The following SNX29 variants were observed in gnomAD, a reference collection of about 807,000 sequenced individuals.
SNX29 encodes the protein sorting nexin-29.
SNX29 carries 78 observed loss-of-function variants against 102.1 expected under a neutral mutation model. The ratio of observed to expected loss-of-function variants is 0.76; its 90% CI spans 0.64 to 0.92. The LOEUF (loss-of-function observed/expected upper bound fraction) is 0.92. SNX29 is among the 40% of genes least tolerant of loss of function. The pLI, the probability that SNX29 is intolerant of heterozygous loss-of-function variation, is 0.00. For synonymous variants in SNX29, 580 were observed against 414.5 expected, an observed-to-expected ratio of 1.40 and a Z score of -4.85; for missense variants, 1,280 against 1,061.7, an observed-to-expected ratio of 1.21 and a Z score of -2.86.
chr16:12,135,394 C>G (rs1221438254), intron 13 of SNX29, among the ~76,000 whole-genome samples: 1 of 152,204 alleles, frequency 6.6e-6, no homozygotes, highest in East Asian at 1.9e-4. Flanking sequence ...CTACAGGGCT[C>G]CAGAGGATGG....
chr16:12,544,688 G>C (rs1012172187), intron 20 of SNX29, among the ~76,000 whole-genome samples: 1 of 152,170 alleles, frequency 6.6e-6, no homozygotes, highest in Admixed American at 6.6e-5. Context: ...GCTGTCACTC[G>C]AATTCTCTTC....
intron 15 of SNX29, among the ~76,000 whole-genome samples, chr16:12,320,675 A>C (rs1304553358): frequency 6.6e-6 from 1 of 152,074 alleles, no homozygotes; most frequent in Non-Finnish European, 1.5e-5. Flanking sequence ...AACTAAGATC[A>C]CTCCAGCATA....
chr16:12,079,415 A>T (rs1013488902), intron 11 of SNX29, among the ~76,000 whole-genome samples: 1 of 152,228 alleles, frequency 6.6e-6, no homozygotes, highest in Non-Finnish European at 1.5e-5. Flanking sequence ...ACCAACTGTT[A>T]TGTAAACTGA....
intron 20 of SNX29, among the ~76,000 whole-genome samples, chr16:12,549,910 C>CA (rs1221843876): frequency 7.9e-5 from 12 of 152,366 alleles, no homozygotes; most frequent in African/African-American, 2.6e-4. Flanking sequence ...TGATGGCCCA[C>CA]AGGCCAAATC....
intron 18 of SNX29, among the ~76,000 whole-genome samples, chr16:12,408,512 C>T (rs549057962): frequency 5.3e-4 from 80 of 152,304 alleles, no homozygotes; most frequent in African/African-American, 1.9e-3. Flanking sequence ...GAACCTGCCT[C>T]GGGGTGGCTG....
At chr16:11,981,398 C>T (rs921283491) in intron 1 of SNX29, among the ~76,000 whole-genome samples, 2 of 152,096 alleles carry the variant, frequency 1.3e-5, no homozygotes, top group Non-Finnish European at 2.9e-5. Context: ...GCCACCATGC[C>T]TGGGCTCTTT....
intron 20 of SNX29, among the ~76,000 whole-genome samples, chr16:12,566,430 C>G (rs149930454): frequency 2.5e-4 from 1 of 4,080 alleles, no homozygotes; most frequent in East Asian, 3.1e-3. Context: ...AGGGCCTCTC[C>G]CCCCAAGCTC....
At chr16:12,552,188 G>A (rs1044028872) in intron 20 of SNX29, among the ~76,000 whole-genome samples, 19 of 152,148 alleles carry the variant, frequency 1.2e-4, no homozygotes, top group African/African-American at 3.1e-4. Context: ...GGGAAACAAC[G>A]GCAGATAAGG....
chr16:12,097,200 C>G (rs534834832), intron 11 of SNX29, among the ~76,000 whole-genome samples: 1 of 152,366 alleles, frequency 6.6e-6, no homozygotes, highest in East Asian at 1.9e-4. Flanking sequence ...TCACGCATGT[C>G]TGCGATCCTG....
chr16:12,450,518 C>T (rs1341731454), intron 18 of SNX29, among the ~76,000 whole-genome samples: 1 of 152,228 alleles, frequency 6.6e-6, no homozygotes, highest in Non-Finnish European at 1.5e-5. Flanking sequence ...GAACCGCTTG[C>T]TGTGGCCAAG....
At chr16:11,990,642 G>A (rs2055813639) in intron 1 of SNX29, among the ~76,000 whole-genome samples, 1 of 152,122 alleles carries the variant, frequency 6.6e-6, no homozygotes, top group African/African-American at 2.4e-5. Flanking sequence ...GGGCATCCCA[G>A]ATGCCCGCCA....
chr16:12,521,680 T>A (rs545266363), intron 19 of SNX29, among the ~76,000 whole-genome samples: 1 of 152,346 alleles, frequency 6.6e-6, no homozygotes, highest in South Asian at 2.1e-4. Context: ...GATTAAAAAC[T>A]AGGCTTCATG....
At chr16:12,510,771 A>G (rs2089581665) in intron 19 of SNX29, among the ~76,000 whole-genome samples, 1 of 151,946 alleles carries the variant, frequency 6.6e-6, no homozygotes, top group Non-Finnish European at 1.5e-5. Flanking sequence ...CGTTGGCTGC[A>G]AAGTCAAAAG....
At chr16:12,013,471 C>T (rs1231715128) in intron 3 of SNX29, among the ~76,000 whole-genome samples, 1 of 88,468 alleles carries the variant, frequency 1.1e-5, no homozygotes, top group African/African-American at 4.5e-5. Flanking sequence ...CATAGTGAAA[C>T]CCTGTCTCTA....
At chr16:12,491,927 C>G (rs1320040193) in intron 19 of SNX29, among the ~76,000 whole-genome samples, 9 of 152,270 alleles carry the variant, frequency 5.9e-5, no homozygotes, top group South Asian at 2.1e-4. Flanking sequence ...TCCAGTCTAT[C>G]GTTGTTGGAC....
At chr16:12,158,799 C>T (rs529991720) in intron 13 of SNX29, among the ~76,000 whole-genome samples, 4 of 152,254 alleles carry the variant, frequency 2.6e-5, no homozygotes, top group South Asian at 2.1e-4. Flanking sequence ...TTGTGAAATG[C>T]GGATATGGGG....
At chr16:11,996,836 G>C (rs922563837) in intron 1 of SNX29, among the ~76,000 whole-genome samples, 1 of 152,196 alleles carries the variant, frequency 6.6e-6, no homozygotes, top group South Asian at 2.1e-4. Flanking sequence ...TAGCCATCCT[G>C]AGCGATGCCT....
At chr16:12,468,036 C>G (rs2087143770) in intron 18 of SNX29, among the ~76,000 whole-genome samples, 1 of 152,082 alleles carries the variant, frequency 6.6e-6, no homozygotes, top group South Asian at 2.1e-4. Flanking sequence ...TCTTGGATCC[C>G]TCGTCCTCCC....
Position 12,483,117 on chromosome 16 carries a change from T to TTG in SNX29, c.2178+5259_2178+5260insGT, listed in dbSNP as rs1555549920. 3.7e-3 allele frequency among the ~76,000 whole-genome samples: 366 copies of TTG among 99,050 alleles called. 15 individuals carry two copies. The highest frequency in any genetic ancestry group is 0.018 in the African/African-American group (349 of 19,576). The allele number at this position is 99,050 out of a possible 152,430, so 65.0% of individuals were successfully genotyped here. On this transcript the variant is annotated intron_variant, in intron 19 of 20. Coordinates refer to ENST00000566228, the MANE Select transcript of SNX29 (RefSeq NM_032167.5). ...AGATACATATTGAAGTTATTAAGTT[T>TTG]TTTTTTTTTTTTTTTTTTTTTTTTT...
Sources: gnomAD v4.1 joint callset for allele counts (sites outside exome capture counted in the v4.1 genomes callset) on GRCh38, gnomAD v4.1.1 for gene constraint, MANE v1.5 for transcripts, NCBI Gene and HGNC (gene_info 2026-07-23, HGNC 2026-07-21) for gene names.